Variants in SMAD1 observed in about 807,000 individuals in gnomAD.
The protein encoded by SMAD1 is MAD, mothers against decapentaplegic homolog 1.
Under a neutral mutation model 41.6 loss-of-function variants are expected in SMAD1, and 6 were observed. That is an observed-to-expected ratio of 0.14 (90% CI 0.08 to 0.28). SMAD1 has a LOEUF of 0.28. Among genes scored for constraint, SMAD1 ranks in the 10% least tolerant of loss-of-function variants. The probability of loss-of-function intolerance (pLI) is 1.00; values close to 1 mark genes in which losing one functional copy is unlikely to be tolerated. For synonymous variants in SMAD1, 206 were observed against 203.2 expected (o/e 1.01, Z -0.12); for missense variants, 379 against 582.6 (o/e 0.65, Z 3.60).
intron 1 of SMAD1, among the ~76,000 whole-genome samples, chr4:145,495,637 A>G (rs1729029453): frequency 7.3e-6 from 1 of 137,494 alleles, no homozygotes; most frequent in African/African-American, 3.1e-5. Context: ...TTTTTTTTTA[A>G]CTAGACAGGG....
intron 1 of SMAD1, among the ~76,000 whole-genome samples, chr4:145,513,026 G>A (rs1730172339): frequency 6.6e-6 from 1 of 152,170 alleles, no homozygotes; most frequent in African/African-American, 2.4e-5. Context: ...TTTCTCCTCA[G>A]CAGGCCCTCA....
At chr4:145,513,326 T>G (rs1349943836) in intron 1 of SMAD1, 1 of 152,308 alleles carries the variant, frequency 6.6e-6, no homozygotes, top group Non-Finnish European at 1.5e-5. Context: ...GTTTTCTGGC[T>G]TGTTTGTTTG....
intron 1 of SMAD1, among the ~76,000 whole-genome samples, chr4:145,494,752 A>G (rs1020815543): frequency 6.6e-6 from 1 of 152,194 alleles, no homozygotes; most frequent in African/African-American, 2.4e-5. Flanking sequence ...TACATCAGGA[A>G]ATATGGTATG....
chr4:145,491,460 A>G (rs1560721965), intron 1 of SMAD1, among the ~76,000 whole-genome samples: 1 of 152,226 alleles, frequency 6.6e-6, no homozygotes, highest in Non-Finnish European at 1.5e-5. Flanking sequence ...ACAAACTACT[A>G]ATGAACACAC....
At chr4:145,552,810 A>G (rs909087892) in intron 5 of SMAD1, among the ~76,000 whole-genome samples, 1 of 152,204 alleles carries the variant, frequency 6.6e-6, no homozygotes, top group African/African-American at 2.4e-5. Flanking sequence ...AGGTTTTATT[A>G]TGCTATCTTT....
At chr4:145,518,381 C>A (rs988782859) in intron 2 of SMAD1, among the ~76,000 whole-genome samples, 1 of 123,924 alleles carries the variant, frequency 8.1e-6, no homozygotes, top group Non-Finnish European at 2.0e-5. Flanking sequence ...CCCAGCTACT[C>A]GGGAGGCTGA....
intron 1 of SMAD1, among the ~76,000 whole-genome samples, chr4:145,506,413 A>AT (rs983528211): frequency 1.3e-5 from 2 of 151,804 alleles, no homozygotes; most frequent in Non-Finnish European, 2.9e-5. Flanking sequence ...GAGTTTTTGG[A>AT]TTTTTTTCCC....
intron 1 of SMAD1, among the ~76,000 whole-genome samples, chr4:145,495,068 T>G (rs1398304503): frequency 6.6e-6 from 1 of 152,184 alleles, no homozygotes; most frequent in Non-Finnish European, 1.5e-5. Flanking sequence ...AGTGGCAGAA[T>G]AGAGCTGTGG....
At chr4:145,525,229 A>T (rs2126461014) in intron 2 of SMAD1, among the ~76,000 whole-genome samples, 1 of 152,346 alleles carries the variant, frequency 6.6e-6, no homozygotes, top group East Asian at 1.9e-4. Context: ...TCTCAAATAT[A>T]TGTTCTATCC....
chr4:145,533,693 T>C (rs1157748620), intron 2 of SMAD1, among the ~76,000 whole-genome samples: 1 of 152,150 alleles, frequency 6.6e-6, no homozygotes, highest in Admixed American at 6.5e-5. Context: ...AGACCCCAGC[T>C]CTAAAAATAA....
At chr4:145,517,092 A>C (rs1730448634) in intron 2 of SMAD1, 1 of 152,184 alleles carries the variant, frequency 6.6e-6, no homozygotes, top group South Asian at 2.1e-4. Flanking sequence ...ACAGAAAGGG[A>C]TCTTTTAAGA....
intron 2 of SMAD1, among the ~76,000 whole-genome samples, chr4:145,536,715 T>C (rs1484948137): frequency 6.6e-6 from 1 of 152,134 alleles, no homozygotes; most frequent in African/African-American, 2.4e-5. Flanking sequence ...ATGCTAAATA[T>C]AGGGGATAAA....
intron 1 of SMAD1, among the ~76,000 whole-genome samples, chr4:145,494,625 G>A (rs1186194316): frequency 6.6e-6 from 1 of 152,172 alleles, no homozygotes; most frequent in East Asian, 1.9e-4. Flanking sequence ...CTATTGAAGG[G>A]TTATGGTAAG....
At chr4:145,544,506 A>T (rs1188166675) in intron 4 of SMAD1, 1 of 151,752 alleles carries the variant, frequency 6.6e-6, no homozygotes. Flanking sequence ...ACTTGAACCC[A>T]GGAGGCAGAG....
At chr4:145,509,255 C>T (rs1729950259) in intron 1 of SMAD1, among the ~76,000 whole-genome samples, 2 of 152,208 alleles carry the variant, frequency 1.3e-5, no homozygotes, top group Admixed American at 1.3e-4. Context: ...TGTTTACACA[C>T]TGGCTTTCCC....
intron 3 of SMAD1, among the ~76,000 whole-genome samples, chr4:145,541,225 T>A (rs537202484): frequency 8.0e-4 from 122 of 152,314 alleles, no homozygotes; most frequent in Non-Finnish European, 1.6e-3. Context: ...TAAAGGTTAT[T>A]GCTTGAATTT....
intron 5 of SMAD1, among the ~76,000 whole-genome samples, chr4:145,551,425 A>G (rs1477840118): frequency 6.6e-6 from 1 of 152,234 alleles, no homozygotes; most frequent in Non-Finnish European, 1.5e-5. Flanking sequence ...TTTTAAGCAT[A>G]AAAAGCAACA....
Position 145,514,815 on chromosome 4 carries a change from C to G in SMAD1, c.202C>G (p.Pro68Ala). The change falls in exon 2 of 7, where the codon CCC becomes GCC. Residue 68 changes from proline to alanine, a missense_variant. Transcript: ENST00000302085. The surrounding 1 kb of genome is among the most constrained non-coding windows in gnomAD (Gnocchi z 4.7). ...GCAACCGAGTAACTGTGTCACCATT[C>G]CCCGCTCTCTGGATGGCAGGCTGCA... ...PGQPSNCVTI[P>A]RSLDGRLQVS... 6.2e-7 allele frequency: 1 copy of G among 1,614,120 alleles called. No homozygotes were observed. The highest frequency in any genetic ancestry group is 8.5e-7 in the Non-Finnish European group (1 of 1,180,006).
chr4:145,521,765 A>G (rs1267192733), intron 2 of SMAD1, among the ~76,000 whole-genome samples: 1 of 152,114 alleles, frequency 6.6e-6, no homozygotes, highest in Non-Finnish European at 1.5e-5. Context: ...TATCAATGTC[A>G]ATATTTTGAT....
Sources: allele counts gnomAD v4.1 joint callset (sites outside exome capture counted in the v4.1 genomes callset), GRCh38; gene constraint gnomAD v4.1.1; non-coding constraint Gnocchi (gnomAD v3.1); transcripts MANE v1.5; gene names NCBI Gene and HGNC (gene_info 2026-07-23, HGNC 2026-07-21).